RUNX1T1: variants seen among roughly 807,000 people sequenced by gnomAD.
RUNX1T1 encodes the protein RUNX1 partner transcriptional co-repressor 1.
Under a neutral mutation model 62.8 loss-of-function variants are expected in RUNX1T1, and 4 were observed. That is an observed-to-expected ratio of 0.06 (90% CI 0.03 to 0.15). RUNX1T1 has a LOEUF of 0.15. Among genes scored for constraint, RUNX1T1 ranks in the 10% least tolerant of loss-of-function variants. The pLI is 1.00. For missense variants in RUNX1T1, 508 were observed against 754.3 expected, an observed-to-expected ratio of 0.67 and a Z score of 3.82; for synonymous variants, 291 against 286.0, an observed-to-expected ratio of 1.02 and a Z score of -0.18.
At chr8:92,002,865 A>G (rs1258363657) in intron 5 of RUNX1T1, among the ~76,000 whole-genome samples, 3 of 152,216 alleles carry the variant, frequency 2.0e-5, no homozygotes, top group Admixed American at 6.5e-5. Flanking sequence ...TAACCAGAGA[A>G]GAGGAAAATG....
At chr8:92,043,414 AAACT>A (rs1324526248) in intron 1 of RUNX1T1, among the ~76,000 whole-genome samples, 1 of 152,136 alleles carries the variant, frequency 6.6e-6, no homozygotes, top group Non-Finnish European at 1.5e-5. Context: ...AAGGAAAAAA[AAACT>A]AACTAGTTCT....
At chr8:91,979,951 G>T in intron 8 of RUNX1T1, 1 of 480,302 alleles carries the variant, frequency 2.1e-6, no homozygotes, top group Non-Finnish European at 4.0e-6. Context: ...GCAGAATGAG[G>T]CTGTGATCAT....
intron 1 of RUNX1T1, among the ~76,000 whole-genome samples, chr8:92,092,578 TTACAACAG>T (rs1447615053): frequency 3.9e-5 from 6 of 152,216 alleles, no homozygotes; most frequent in Admixed American, 1.3e-4. Context: ...GTTAACTTTG[TTACAACAG>T]TCCGGCAGTA....
At chr8:92,013,163 T>G (rs1038293466) in intron 3 of RUNX1T1, among the ~76,000 whole-genome samples, 2 of 152,206 alleles carry the variant, frequency 1.3e-5, no homozygotes, top group African/African-American at 4.8e-5. Flanking sequence ...CTAACTTATT[T>G]ACATGTTAAA....
At chr8:91,959,486 GTGTATATATATATA>G (rs1809996497) in exon 11 of RUNX1T1, 4 of 142,918 alleles carry the variant, frequency 2.8e-5, no homozygotes, top group African/African-American at 7.0e-5. Flanking sequence ...GTGTGTGTGT[GTGTATATATATATA>G]TATATATATA....
chr8:92,051,604 T>A (rs991091058), intron 1 of RUNX1T1, among the ~76,000 whole-genome samples: 42 of 144,396 alleles, frequency 2.9e-4, no homozygotes, highest in East Asian at 8.0e-4. Flanking sequence ...ACACACACAC[T>A]CTCTCTCTCT....
In RUNX1T1 at chr8:92,091,544, G is replaced by A. The variant is rs145822019; in HGVS notation, c.-86+8036C>T. 6.4e-3 allele frequency among the ~76,000 whole-genome samples: 973 copies of A among 152,272 alleles called. 7 individuals carry two copies. Among genetic ancestry groups the A allele is most frequent in the Non-Finnish European group, 0.011 (777 of 68,024 alleles). ...ATCTCCCCTGTTGGTGTCATGTAAG[G>A]TACCGTGGCTTCAAAAACAACTCTC... On this transcript the variant is annotated intron_variant, in intron 1 of 11. Coordinates refer to the RUNX1T1 transcript ENST00000265814.
chr8:92,008,631 G>T (rs536937278), intron 4 of RUNX1T1, among the ~76,000 whole-genome samples: 2 of 152,196 alleles, frequency 1.3e-5, no homozygotes, highest in East Asian at 3.9e-4. Flanking sequence ...TGACTCACAG[G>T]CTGGACATCT....
intron 9 of RUNX1T1, among the ~76,000 whole-genome samples, chr8:91,972,503 T>C (rs1312385816): frequency 5.3e-5 from 8 of 152,126 alleles, no homozygotes; most frequent in Non-Finnish European, 1.2e-4. Flanking sequence ...TATAGCACCT[T>C]CTTCACCAGG....
At chr8:92,020,399 C>T (rs116077814) in intron 1 of RUNX1T1, among the ~76,000 whole-genome samples, 2,040 of 152,120 alleles carry the variant, frequency 0.013, 46 homozygotes, top group African/African-American at 0.047. Flanking sequence ...ATGGTAAAAC[C>T]AATATTAAGT....
At chr8:92,101,768 A>G (rs1563955586), upstream of RUNX1T1, among the ~76,000 whole-genome samples, 1 of 152,192 alleles carries the variant, frequency 6.6e-6, no homozygotes, top group African/African-American at 2.4e-5. Flanking sequence ...GCACGTTTCA[A>G]AAAATGGATC....
chr8:92,008,761 T>C (rs1821372386), intron 4 of RUNX1T1, among the ~76,000 whole-genome samples: 1 of 152,188 alleles, frequency 6.6e-6, no homozygotes, highest in African/African-American at 2.4e-5. Flanking sequence ...AGAGAAGTTA[T>C]AAAATGCACA....
chr8:92,038,468 G>T (rs183127837), intron 1 of RUNX1T1, among the ~76,000 whole-genome samples: 1 of 152,094 alleles, frequency 6.6e-6, no homozygotes, highest in Non-Finnish European at 1.5e-5. Flanking sequence ...GAATAGTTAC[G>T]AGTTCATGCT....
intron 1 of RUNX1T1, among the ~76,000 whole-genome samples, chr8:92,024,073 G>A (rs1274917844): frequency 6.6e-6 from 1 of 152,134 alleles, no homozygotes; most frequent in Non-Finnish European, 1.5e-5. Context: ...TAGTGAATAC[G>A]AGGGACTTGT....
chr8:91,991,649 G>C, exon 6 of RUNX1T1: 3 of 1,613,762 alleles, frequency 1.9e-6, no homozygotes, highest in Non-Finnish European at 2.5e-6. Context: ...CCATAGGTCT[G>C]TTTCTGTCCC....
At position 91,984,766 on chromosome 8, in the gene RUNX1T1, T is replaced by C. The variant is rs113267953; in HGVS notation, c.1198+1358A>G. Among the ~76,000 whole-genome samples, 574 of 152,304 alleles carry C rather than the reference T, an allele frequency of 3.8e-3. 3 individuals carry two copies. The highest frequency in any genetic ancestry group is 0.013 in the African/African-American group (526 of 41,572). ...AGGAAATAAACACAAGATTTTTTTT[T>C]CCACTCTGCTCTAAATAGTTTGGCT... On this transcript the variant is annotated intron_variant, in intron 8 of 10. Coordinates refer to ENST00000396218, the Ensembl canonical transcript of RUNX1T1.
At chr8:92,013,199 T>C (rs1265454986) in intron 3 of RUNX1T1, among the ~76,000 whole-genome samples, 1 of 152,186 alleles carries the variant, frequency 6.6e-6, no homozygotes, top group Non-Finnish European at 1.5e-5. Flanking sequence ...AATTCAAGAA[T>C]GAATAAAAAG....
exon 1 of RUNX1T1, chr8:92,099,592 C>T (rs575117603): frequency 1.3e-5 from 13 of 983,590 alleles, no homozygotes; most frequent in South Asian, 4.7e-5. Flanking sequence ...TAATAGACTC[C>T]GGCAAAATGC....
chr8:92,020,728 T>C (rs577676962), intron 1 of RUNX1T1, among the ~76,000 whole-genome samples: 10 of 152,128 alleles, frequency 6.6e-5, no homozygotes, highest in African/African-American at 2.4e-4. Flanking sequence ...GGTTGATGCA[T>C]GGAAAACAAA....
Sources: allele counts gnomAD v4.1 joint callset (sites outside exome capture counted in the v4.1 genomes callset), GRCh38; gene constraint gnomAD v4.1.1; transcripts MANE v1.5; gene names NCBI Gene and HGNC (gene_info 2026-07-23, HGNC 2026-07-21).